Variants in GKAP1 observed in about 807,000 individuals in gnomAD.
The protein encoded by GKAP1 is G kinase anchoring protein 1, also known as G kinase-anchoring protein 1.
GKAP1 carries 31 observed loss-of-function variants against 56.7 expected under a neutral mutation model. The ratio of observed to expected loss-of-function variants is 0.55; its 90% CI spans 0.41 to 0.74. The LOEUF is 0.74. GKAP1 is among the 30% of genes least tolerant of loss of function. GKAP1 has a pLI of 0.00. For missense variants in GKAP1, 364 were observed against 402.3 expected, an observed-to-expected ratio of 0.90 and a Z score of 0.82; for synonymous variants, 151 against 138.6, an observed-to-expected ratio of 1.09 and a Z score of -0.63.
At chr9:83,778,383 G>C (rs1045651251) in intron 7 of GKAP1, among the ~76,000 whole-genome samples, 2 of 152,094 alleles carry the variant, frequency 1.3e-5, no homozygotes, top group Non-Finnish European at 2.9e-5. Context: ...GAATGAGACT[G>C]TGTCCTCTGC....
intron 4 of GKAP1, among the ~76,000 whole-genome samples, chr9:83,797,046 C>G (rs892850255): frequency 7.2e-5 from 11 of 152,158 alleles, no homozygotes; most frequent in Non-Finnish European, 1.5e-4. Flanking sequence ...TCCATTGATA[C>G]AAGATCAACT....
intron 8 of GKAP1, among the ~76,000 whole-genome samples, chr9:83,757,874 C>T (rs977821798): frequency 2.0e-5 from 3 of 151,086 alleles, no homozygotes; most frequent in Admixed American, 6.6e-5. Context: ...ATCTGGATAT[C>T]TAGATAAAAT....
At position 83,739,432 on chromosome 9, in the gene GKAP1, G is replaced by A. The variant is rs1442434754; in HGVS notation, c.*265C>T. 1 of 324,480 alleles carries A rather than the reference G, an allele frequency of 3.1e-6. No individual in the cohort carries two copies. The highest frequency in any genetic ancestry group is 4.6e-5 in the Admixed American group (1 of 21,882). 20.1% of individuals were successfully genotyped at this position (324,480 alleles called of 1,614,324 possible). A position where few individuals can be genotyped will look rare whatever the true frequency, so the allele number is the denominator to read the frequency against. ...ACAAATCAAACATATTAGTGGAAGA[G>A]TAAATTAATTTTATTGACTGATGAA... On this transcript the variant is annotated 3_prime_UTR_variant, in exon 13 of 13. Coordinates refer to ENST00000376371, the MANE Select transcript of GKAP1 (RefSeq NM_025211.4).
intron 4 of GKAP1, among the ~76,000 whole-genome samples, chr9:83,790,708 G>A (rs1202843331): frequency 6.6e-6 from 1 of 152,104 alleles, no homozygotes; most frequent in African/African-American, 2.4e-5. Context: ...AGCTACTCGG[G>A]AGGCTGAGGC....
At chr9:83,749,968 T>C (rs1396923821) in intron 9 of GKAP1, among the ~76,000 whole-genome samples, 3 of 152,144 alleles carry the variant, frequency 2.0e-5, no homozygotes, top group East Asian at 1.9e-4. Flanking sequence ...GCTATGAATA[T>C]AGAAATATTC....
intron 7 of GKAP1, among the ~76,000 whole-genome samples, chr9:83,779,535 GTATA>G (rs1277312684): frequency 8.8e-6 from 1 of 113,556 alleles, no homozygotes; most frequent in Non-Finnish European, 1.8e-5. Flanking sequence ...GTGTATATGT[GTATA>G]TATATACACG....
intron 2 of GKAP1, among the ~76,000 whole-genome samples, chr9:83,811,113 C>A (rs928246513): frequency 6.6e-6 from 1 of 152,184 alleles, no homozygotes; most frequent in Non-Finnish European, 1.5e-5. Context: ...TATGGGTGTT[C>A]TTACTATTCT....
chr9:83,770,084 A>G (rs1263301008), intron 7 of GKAP1, among the ~76,000 whole-genome samples: 1 of 152,080 alleles, frequency 6.6e-6, no homozygotes, highest in Non-Finnish European at 1.5e-5. Flanking sequence ...ACAGTTCTTT[A>G]TATATTCTAA....
chr9:83,744,607 C>T (rs1245813330), intron 10 of GKAP1, among the ~76,000 whole-genome samples: 6 of 152,164 alleles, frequency 3.9e-5, no homozygotes, highest in Non-Finnish European at 8.8e-5. Flanking sequence ...AGTTTCCCAT[C>T]TTTTTTTCAT....
chr9:83,770,060 T>C (rs1943731422), intron 7 of GKAP1, among the ~76,000 whole-genome samples: 1 of 152,208 alleles, frequency 6.6e-6, no homozygotes, highest in South Asian at 2.1e-4. Context: ...GGTTACTTGT[T>C]TTTTTGAGTT....
intron 2 of GKAP1, among the ~76,000 whole-genome samples, chr9:83,815,101 G>A (rs1440007414): frequency 6.6e-6 from 1 of 152,172 alleles, no homozygotes; most frequent in Non-Finnish European, 1.5e-5. Context: ...GAACCAGGGA[G>A]GTAGAGGTTG....
intron 7 of GKAP1, among the ~76,000 whole-genome samples, chr9:83,778,624 T>G (rs112343830): frequency 2.0e-5 from 3 of 151,974 alleles, no homozygotes; most frequent in African/African-American, 7.3e-5. Flanking sequence ...GACAAAATAA[T>G]CTGTATAACA....
intron 2 of GKAP1, among the ~76,000 whole-genome samples, chr9:83,808,714 G>C (rs1451256681): frequency 6.6e-6 from 1 of 152,178 alleles, no homozygotes; most frequent in South Asian, 2.1e-4. Flanking sequence ...ACTATTAATT[G>C]CAAGTGGCAG....
intron 3 of GKAP1, among the ~76,000 whole-genome samples, chr9:83,804,573 G>A (rs1161813303): frequency 1.8e-5 from 2 of 109,418 alleles, no homozygotes; most frequent in South Asian, 3.2e-4. Flanking sequence ...GGAGGGAGGT[G>A]GGGGGGTCAG....
Position 83,794,600 on chromosome 9 carries a change from C to T in GKAP1, c.360+4585G>A, listed in dbSNP as rs117524050. On this transcript the variant is annotated intron_variant, in intron 4 of 12. Transcript: ENST00000376371. ...TTCAGAGTGAGAAAAATACCAGTGA[C>T]GTGTAGAGTTTGAATCAATACAGTA... Among the ~76,000 whole-genome samples, 41 of 152,164 alleles carry T rather than the reference C, an allele frequency of 2.7e-4. No individual in the cohort carries two copies. In the East Asian group the frequency reaches 5.8e-3, roughly 22 times the overall value.
At chr9:83,745,947 C>T (rs1943286206) in intron 10 of GKAP1, among the ~76,000 whole-genome samples, 2 of 152,044 alleles carry the variant, frequency 1.3e-5, no homozygotes, top group African/African-American at 4.8e-5. Context: ...AGCACCACCA[C>T]ACCTGGCTAA....
chr9:83,753,372 A>G lies in GKAP1; in HGVS notation c.739-13T>C, dbSNP rs1444330078. 1 of 1,456,602 alleles carries G rather than the reference A, an allele frequency of 6.9e-7. No homozygotes were observed. The allele number at this position is 1,456,602 out of a possible 1,614,324, so 90.2% of individuals were successfully genotyped here. On this transcript the variant is annotated splice_polypyrimidine_tract_variant and intron_variant, in intron 8 of 12. Transcript: ENST00000376371. ...TCAGAACCACTTCCTGAAAAGAGAG[A>G]AACAACACTTTAGGACTTTGATTAT...
chr9:83,744,944 T>TG, intron 10 of GKAP1, among the ~76,000 whole-genome samples: 2 of 152,252 alleles, frequency 1.3e-5, no homozygotes, highest in South Asian at 4.1e-4. Flanking sequence ...GAGAATAGCA[T>TG]GGGGGAAAGC....
rs140177040 is a variant in GKAP1 at position 83,812,341 on chromosome 9, A to C, written c.-44+4655T>G. 3.7e-3 allele frequency among the ~76,000 whole-genome samples: 552 copies of C among 148,332 alleles called. 8 individuals carry two copies. The highest frequency in any genetic ancestry group is 0.013 in the African/African-American group (521 of 40,696). Reference sequence around the variant, plus strand: ...TGTATATATACACACGTATATATATACACGTATATATATATATATTTTTTT... The same window carrying C: ...TGTATATATACACACGTATATATATCCACGTATATATATATATATTTTTTT... On this transcript the variant is annotated intron_variant, in intron 2 of 12. Transcript: ENST00000376371.
Sources: gnomAD v4.1 joint callset for allele counts (sites outside exome capture counted in the v4.1 genomes callset) on GRCh38, gnomAD v4.1.1 for gene constraint, MANE v1.5 for transcripts, NCBI Gene and HGNC (gene_info 2026-07-23, HGNC 2026-07-21) for gene names.